Variants in NT5C3A observed in about 807,000 individuals in gnomAD.
The protein encoded by NT5C3A is cytosolic 5'-nucleotidase 3A.
In NT5C3A, 23 loss-of-function variants were observed where a neutral mutation model predicts 40.0. That is an observed-to-expected ratio of 0.58 (90% CI 0.41 to 0.81). The LOEUF (loss-of-function observed/expected upper bound fraction) is 0.81, where lower values mean the gene tolerates loss of function less well. NT5C3A is among the 40% of genes least tolerant of loss of function. The pLI, the probability that NT5C3A is intolerant of heterozygous loss-of-function variation, is 0.00. For missense variants in NT5C3A, 328 were observed against 403.0 expected, an observed-to-expected ratio of 0.81 and a Z score of 1.59; for synonymous variants, 130 against 141.4, an observed-to-expected ratio of 0.92 and a Z score of 0.57.
intron 6 of NT5C3A, among the ~76,000 whole-genome samples, chr7:33,019,248 C>T: frequency 7.1e-6 from 1 of 140,046 alleles, no homozygotes; most frequent in Non-Finnish European, 1.6e-5. Flanking sequence ...AGAGAGAGAC[C>T]CTGTCTTTAA....
At chr7:33,052,301 T>C (rs1026996437) in intron 1 of NT5C3A, among the ~76,000 whole-genome samples, 1 of 151,878 alleles carries the variant, frequency 6.6e-6, no homozygotes, top group Non-Finnish European at 1.5e-5. Flanking sequence ...TTGGCCAACA[T>C]GGTGAAACCT....
chr7:33,060,342 G>GAT (rs1231360532), intron 1 of NT5C3A, among the ~76,000 whole-genome samples: 2 of 141,994 alleles, frequency 1.4e-5, no homozygotes, highest in Non-Finnish European at 3.0e-5. Flanking sequence ...TCAGTTTCTT[G>GAT]ATCCCATTCC....
chr7:33,018,903 A>G (rs1000552577), intron 6 of NT5C3A, among the ~76,000 whole-genome samples: 61 of 152,306 alleles, frequency 4.0e-4, no homozygotes, highest in African/African-American at 1.4e-3. Flanking sequence ...TATGTACTAA[A>G]ACATACTAAT....
intron 1 of NT5C3A, chr7:33,035,839 A>C: frequency 1.0e-6 from 1 of 953,866 alleles, no homozygotes; most frequent in Non-Finnish European, 1.7e-6. Context: ...GAGTTGTATA[A>C]AATTTCAGTC....
chr7:33,044,470 T>C (rs1443923070), intron 1 of NT5C3A, among the ~76,000 whole-genome samples: 1 of 152,158 alleles, frequency 6.6e-6, no homozygotes, highest in Admixed American at 6.6e-5. Context: ...ACAATGGACT[T>C]TCACCTCTGT....
At chr7:33,054,614 C>T (rs957547370) in intron 1 of NT5C3A, among the ~76,000 whole-genome samples, 6 of 152,088 alleles carry the variant, frequency 3.9e-5, no homozygotes, top group African/African-American at 1.4e-4. Flanking sequence ...GGGGATGGTG[C>T]CCAAGTTTAA....
intron 1 of NT5C3A, among the ~76,000 whole-genome samples, chr7:33,059,284 C>A (rs1787691820): frequency 1.3e-5 from 2 of 152,136 alleles, no homozygotes; most frequent in Non-Finnish European, 2.9e-5. Context: ...TACTCTGGGC[C>A]AGGCACTTTT....
chr7:33,043,814 T>C (rs1787028240), intron 1 of NT5C3A, among the ~76,000 whole-genome samples: 1 of 152,148 alleles, frequency 6.6e-6, no homozygotes, highest in South Asian at 2.1e-4. Flanking sequence ...GGGGTGTCCC[T>C]GGAAGAGGGA....
chr7:33,036,784 A>G (rs1786628907), intron 1 of NT5C3A, among the ~76,000 whole-genome samples: 1 of 152,006 alleles, frequency 6.6e-6, no homozygotes, highest in South Asian at 2.1e-4. Context: ...ATTTTCTTAC[A>G]TTAAAATTTT....
intron 1 of NT5C3A, among the ~76,000 whole-genome samples, chr7:33,052,759 T>C (rs1302419777): frequency 6.6e-6 from 1 of 152,240 alleles, no homozygotes; most frequent in Non-Finnish European, 1.5e-5. Context: ...AATTGTTTAC[T>C]TAAATGATTC....
intron 1 of NT5C3A, among the ~76,000 whole-genome samples, chr7:33,035,714 T>C (rs189609122): frequency 6.6e-6 from 1 of 152,368 alleles, no homozygotes; most frequent in Non-Finnish European, 1.5e-5. Context: ...AAACATTTTA[T>C]ATTCTGAGAA....
At chr7:33,023,793 C>T (rs955103402) in intron 3 of NT5C3A, 6 of 494,752 alleles carry the variant, frequency 1.2e-5, no homozygotes, top group Non-Finnish European at 1.5e-5. Flanking sequence ...AATGAATAGA[C>T]CATATTTGGC....
intron 2 of NT5C3A, among the ~76,000 whole-genome samples, chr7:33,024,890 A>G (rs907202222): frequency 6.6e-6 from 1 of 152,188 alleles, no homozygotes; most frequent in East Asian, 1.9e-4. Flanking sequence ...CTGGAATCCC[A>G]GCACTTTGGG....
At chr7:33,030,216 G>T (rs987932515) in intron 1 of NT5C3A, among the ~76,000 whole-genome samples, 1 of 152,146 alleles carries the variant, frequency 6.6e-6, no homozygotes, top group African/African-American at 2.4e-5. Context: ...TATGGAATAT[G>T]TCAAAGAGTA....
At chr7:33,037,221 C>A (rs1390605993) in intron 1 of NT5C3A, among the ~76,000 whole-genome samples, 1 of 152,088 alleles carries the variant, frequency 6.6e-6, no homozygotes, top group Non-Finnish European at 1.5e-5. Context: ...CTGAATGAAC[C>A]TTTTAGGGTC....
chr7:33,021,626 A>G (rs775897153), intron 4 of NT5C3A, among the ~76,000 whole-genome samples: 3 of 152,176 alleles, frequency 2.0e-5, no homozygotes, highest in Non-Finnish European at 4.4e-5. Context: ...GTTTTCATAT[A>G]AAGGTATTAA....
chr7:33,023,143 C>T (rs1052294580), intron 3 of NT5C3A, among the ~76,000 whole-genome samples: 6 of 151,818 alleles, frequency 4.0e-5, no homozygotes, highest in Admixed American at 3.3e-4. Context: ...AACTCCTGGG[C>T]TCAAGTGATT....
chr7:33,016,073 TATTTTAAATGGTAAA>T, intron 7 of NT5C3A: 1 of 570,228 alleles, frequency 1.8e-6, no homozygotes, highest in South Asian at 2.0e-5. Context: ...TTTTAGATAC[TATTTTAAATGGTAAA>T]ACAAAGGCCG....
At position 33,029,244 on chromosome 7, in the gene NT5C3A, A is replaced by ATT. The variant is rs11439369; in HGVS notation, c.139-2331_139-2330dup. 593 of 153,786 alleles carry ATT rather than the reference A, an allele frequency of 3.9e-3. 4 individuals carry two copies. Among genetic ancestry groups the ATT allele is most frequent in the African/African-American group, 8.2e-3 (334 of 40,854 alleles). 9.5% of individuals were successfully genotyped at this position (153,786 alleles called of 1,614,324 possible). On this transcript the variant is annotated intron_variant, in intron 1 of 8. Transcript: ENST00000610140. ...GAAAGGCAGATAGGCACTGGTTCCTATTTTTTTTTTTCATACATTAACCCA... is the reference window on the plus strand; with the variant it reads ...GAAAGGCAGATAGGCACTGGTTCCTATTTTTTTTTTTTTCATACATTAACCCA...
Sources: gnomAD v4.1 joint callset for allele counts (sites outside exome capture counted in the v4.1 genomes callset) on GRCh38, gnomAD v4.1.1 for gene constraint, MANE v1.5 for transcripts, NCBI Gene and HGNC (gene_info 2026-07-23, HGNC 2026-07-21) for gene names.